Variants in PRKD3 observed in about 807,000 individuals in gnomAD.
PRKD3 encodes the protein serine/threonine-protein kinase D3.
In PRKD3, 47 loss-of-function variants were observed where a neutral mutation model predicts 99.2. That is an observed-to-expected ratio of 0.47 (90% confidence interval 0.38 to 0.60). The LOEUF is 0.60. PRKD3 is among the 20% of genes least tolerant of loss of function. The pLI is 0.00. For synonymous variants in PRKD3, 392 were observed against 355.4 expected (o/e 1.10, Z -1.16); for missense variants, 1,019 against 1,088.4 (o/e 0.94, Z 0.90).
intron 5 of PRKD3, among the ~76,000 whole-genome samples, chr2:37,288,173 T>C (rs1265796398): frequency 6.6e-6 from 1 of 152,184 alleles, no homozygotes; most frequent in Non-Finnish European, 1.5e-5. Flanking sequence ...ACAGCATCAT[T>C]TGTGGGGCTC....
rs1325028200 is a variant in PRKD3, at chr2:37,260,308, T to A, written c.1961A>T (p.Lys654Met). ...TPERVFVVME[K>M]LHGDMLEMIL... Reference sequence around the variant, plus strand: ...CATTTCCAACATATCTCCATGCAGCTTTTCCATTACTACAAAGACTCGTTC... The same window carrying A: ...CATTTCCAACATATCTCCATGCAGCATTTCCATTACTACAAAGACTCGTTC... The change falls in exon 15 of 19, where the codon AAG (lysine) becomes ATG (methionine). Residue 654 changes from lysine to methionine, a missense_variant. Lys to Met is a moderately conservative substitution (Grantham distance 95). Transcript: ENST00000234179. The A allele has an allele frequency of 6.2e-7, 1 of 1,609,396 alleles. No individual in the cohort carries two copies. Among genetic ancestry groups the A allele is most frequent in the Non-Finnish European group, 8.5e-7 (1 of 1,175,722 alleles).
chr2:37,286,070 T>G (rs1670080660), intron 6 of PRKD3, 107 bp downstream of exon 6: 4 of 974,966 alleles, frequency 4.1e-6, no homozygotes, highest in South Asian at 2.0e-5. Flanking sequence ...ATAACAATTA[T>G]GAGAATAATT....
intron 2 of PRKD3, among the ~76,000 whole-genome samples, chr2:37,312,753 T>C (rs776026076): frequency 2.0e-5 from 3 of 152,202 alleles, no homozygotes; most frequent in African/African-American, 4.8e-5. Flanking sequence ...CAACTATATA[T>C]ATTAAATAAA....
chr2:37,259,775 T>C (rs190362040), intron 15 of PRKD3, 94 bp from the exon 16 acceptor site: 70 of 845,502 alleles, frequency 8.3e-5, no homozygotes, highest in Middle Eastern at 2.4e-4. Flanking sequence ...AACTCCACTA[T>C]AGTTCATCAA....
At position 37,270,592 on chromosome 2, in the gene PRKD3, A is replaced by T. The variant is rs1255838191; in HGVS notation, c.1705-905T>A. Among the ~76,000 whole-genome samples, 7 of 152,144 alleles carry T rather than the reference A, an allele frequency of 4.6e-5. No homozygotes were observed. In the South Asian group the frequency reaches 8.3e-4, roughly 18 times the overall value. On this transcript the variant is annotated intron_variant, in intron 12 of 18. Transcript: ENST00000234179. ...CTGTCAAAACTGCATTACAGGTGTG[A>T]CTGATGAAAGAAAAACAAAGTGGAA...
chr2:37,265,460 C>T (rs1668771235), intron 14 of PRKD3, among the ~76,000 whole-genome samples: 1 of 151,852 alleles, frequency 6.6e-6, no homozygotes, highest in Admixed American at 6.6e-5. Context: ...TATTCATATA[C>T]AAAGTTAGCT....
intron 2 of PRKD3, among the ~76,000 whole-genome samples, chr2:37,299,007 C>T (rs1262652409): frequency 7.0e-6 from 1 of 142,374 alleles, no homozygotes; most frequent in Non-Finnish European, 1.6e-5. Flanking sequence ...TGTTTCAGAT[C>T]TTAGAGGAAA....
intron 5 of PRKD3, among the ~76,000 whole-genome samples, chr2:37,287,362 T>G (rs1006135734): frequency 6.6e-6 from 1 of 151,990 alleles, no homozygotes; most frequent in East Asian, 1.9e-4. Context: ...GTCCTTTTCT[T>G]TTCCTTTTCT....
intron 4 of PRKD3, among the ~76,000 whole-genome samples, chr2:37,289,991 C>G (rs1383405383): frequency 6.6e-6 from 1 of 152,166 alleles, no homozygotes; most frequent in Non-Finnish European, 1.5e-5. Context: ...TGGAACACAA[C>G]CATATCTATT....
intron 2 of PRKD3, among the ~76,000 whole-genome samples, chr2:37,306,450 T>A (rs1324706638): frequency 6.6e-6 from 1 of 152,190 alleles, no homozygotes; most frequent in Non-Finnish European, 1.5e-5. Flanking sequence ...TAGGAACTTT[T>A]TATATATATA....
At chr2:37,322,666 C>A (rs1671934789) in intron 1 of PRKD3, among the ~76,000 whole-genome samples, 1 of 152,124 alleles carries the variant, frequency 6.6e-6, no homozygotes, top group South Asian at 2.1e-4. Flanking sequence ...ATAAACTAAC[C>A]ACAGAAATGG....
intron 2 of PRKD3, among the ~76,000 whole-genome samples, chr2:37,307,111 C>G (rs964083256): frequency 2.6e-5 from 4 of 152,114 alleles, no homozygotes; most frequent in East Asian, 3.9e-4. Flanking sequence ...ATGCTGGAAG[C>G]CCCCCTGCTC....
intron 14 of PRKD3, among the ~76,000 whole-genome samples, chr2:37,263,722 T>C (rs1668634392): frequency 6.6e-6 from 1 of 152,198 alleles, no homozygotes; most frequent in Non-Finnish European, 1.5e-5. Context: ...GGGCTGCAGA[T>C]TTCAGAAAGA....
At chr2:37,262,669 C>T (rs1206636366) in intron 14 of PRKD3, among the ~76,000 whole-genome samples, 1 of 142,278 alleles carries the variant, frequency 7.0e-6, no homozygotes, top group African/African-American at 2.8e-5. Context: ...AGTTGGCTGG[C>T]TCTATGCTTT....
intron 2 of PRKD3, among the ~76,000 whole-genome samples, chr2:37,315,551 G>C (rs538064100): frequency 6.6e-6 from 1 of 152,268 alleles, no homozygotes; most frequent in African/African-American, 2.4e-5. Context: ...ACAAGGTATG[G>C]AGATGGGACT....
At chr2:37,261,502 C>T (rs890520098) in intron 14 of PRKD3, among the ~76,000 whole-genome samples, 13 of 143,236 alleles carry the variant, frequency 9.1e-5, no homozygotes, top group Admixed American at 2.1e-4. Flanking sequence ...AAAAAAAGGC[C>T]GGGCGCGGTG....
At chr2:37,272,221 A>G (rs1194151748) in intron 12 of PRKD3, among the ~76,000 whole-genome samples, 159 bp downstream of exon 12, 1 of 152,190 alleles carries the variant, frequency 6.6e-6, no homozygotes, top group African/African-American at 2.4e-5. Context: ...AATCTGCCCT[A>G]GTTTCCTCTA....
chr2:37,293,712 C>G (rs1295004375), intron 2 of PRKD3, among the ~76,000 whole-genome samples: 1 of 152,192 alleles, frequency 6.6e-6, no homozygotes, highest in Non-Finnish European at 1.5e-5. Context: ...ATAGAATATC[C>G]TTTAATAAAT....
intron 1 of PRKD3, among the ~76,000 whole-genome samples, chr2:37,320,777 C>G (rs1025924424): frequency 6.6e-6 from 1 of 152,152 alleles, no homozygotes; most frequent in African/African-American, 2.4e-5. Context: ...CACTAAATAT[C>G]ATTTTATTAT....
Sources: allele counts gnomAD v4.1 joint callset (sites outside exome capture counted in the v4.1 genomes callset), GRCh38; gene constraint gnomAD v4.1.1; transcripts MANE v1.5; gene names NCBI Gene and HGNC (gene_info 2026-07-23, HGNC 2026-07-21).